Variants in ZFHX2 observed in about 807,000 individuals in gnomAD.
ZFHX2 encodes the protein zinc finger homeobox 2, also known as zinc finger homeobox protein 2.
ZFHX2 carries 75 observed loss-of-function variants against 164.8 expected under a neutral mutation model. The ratio of observed to expected loss-of-function variants is 0.46; its 90% CI spans 0.38 to 0.55. The LOEUF (loss-of-function observed/expected upper bound fraction) is 0.55, where lower values mean the gene tolerates loss of function less well. Among genes scored for constraint, ZFHX2 ranks in the 20% least tolerant of loss-of-function variants. The pLI is 0.00. For synonymous variants in ZFHX2, 1,217 were observed against 1,351.4 expected, an observed-to-expected ratio of 0.90 and a Z score of 2.18; for missense variants, 2,933 against 3,308.0, an observed-to-expected ratio of 0.89 and a Z score of 2.78.
chr14:23,531,248 T>G, intron 4 of ZFHX2: 1 of 466,080 alleles, frequency 2.1e-6, no homozygotes, highest in Admixed American at 4.4e-5. Flanking sequence ...TCCTGTTCTA[T>G]GTCATCCACC....
rs77254736 is a variant in ZFHX2 at position 23,530,631 on chromosome 14, C to T, written c.2801-437G>A. 2,621 of 352,526 alleles carry T rather than the reference C, an allele frequency of 7.4e-3. 20 individuals are homozygous for T. The highest frequency in any genetic ancestry group is 0.011 in the Non-Finnish European group (1,986 of 181,496). 21.8% of individuals were successfully genotyped at this position (352,526 alleles called of 1,614,324 possible). On this transcript the variant is annotated intron_variant, in intron 4 of 9. Coordinates refer to ENST00000419474, the MANE Select transcript of ZFHX2 (RefSeq NM_033400.3). ...CTAGCTGGAAGAGGAGATTACCGCTCAAGTAAGAATTGACAGATGTGTAGG... is the reference window on the plus strand; with the variant it reads ...CTAGCTGGAAGAGGAGATTACCGCTTAAGTAAGAATTGACAGATGTGTAGG...
At position 23,522,547 on chromosome 14, in the gene ZFHX2, C is replaced by A; in HGVS notation, c.7134G>T (p.Lys2378Asn). The change falls in exon 10 of 10, where the codon AAG (lysine) becomes AAT (asparagine). Residue 2378 changes from lysine to asparagine, a missense_variant. By Grantham distance (94) the Lys-to-Asn change is moderately conservative. Coordinates refer to ENST00000419474, the MANE Select transcript of ZFHX2 (RefSeq NM_033400.3). ...GAYFQQLYGM[K>N]KGLFPMNPMI... Reference sequence around the variant, plus strand: ...TGGGGTTCATGGGAAATAGCCCCTTCTTCATGCCATAGAGCTGTTGGAAGT... The same window carrying A: ...TGGGGTTCATGGGAAATAGCCCCTTATTCATGCCATAGAGCTGTTGGAAGT... 1 of 1,527,212 alleles carries A rather than the reference C, an allele frequency of 6.5e-7. No individual in the cohort carries two copies. Among genetic ancestry groups the A allele is most frequent in the Non-Finnish European group, 8.8e-7 (1 of 1,141,060 alleles). 94.6% of individuals were successfully genotyped at this position (1,527,212 alleles called of 1,614,324 possible).
At chr14:23,537,804 G>A (rs1261865276) in intron 1 of ZFHX2, among the ~76,000 whole-genome samples, 1 of 152,208 alleles carries the variant, frequency 6.6e-6, no homozygotes, top group Non-Finnish European at 1.5e-5. Flanking sequence ...GTGCTGGTTT[G>A]TGAGGGTCTG....
intron 1 of ZFHX2, among the ~76,000 whole-genome samples, chr14:23,538,505 T>A (rs1177444500): frequency 6.6e-6 from 1 of 152,116 alleles, no homozygotes; most frequent in Non-Finnish European, 1.5e-5. Context: ...TACCTTGAAC[T>A]GGAGACAGTG....
At position 23,530,207 on chromosome 14, in the gene ZFHX2, G is replaced by C. The variant is rs922644698; in HGVS notation, c.2801-13C>G. 5 of 1,522,046 alleles carry C rather than the reference G, an allele frequency of 3.3e-6. No homozygotes were observed. In the African/African-American group the frequency reaches 4.1e-5, roughly 13 times the overall value. 94.3% of individuals were successfully genotyped at this position (1,522,046 alleles called of 1,614,324 possible). A position where few individuals can be genotyped will look rare whatever the true frequency, so the allele number is the denominator to read the frequency against. On this transcript the variant is annotated splice_polypyrimidine_tract_variant and intron_variant, in intron 4 of 9. Coordinates refer to ENST00000419474, the MANE Select transcript of ZFHX2 (RefSeq NM_033400.3). The stretch of plus-strand genomic sequence containing the variant: ...ACAGGAGCCTTCCCTGTGTAGGATG[G>C]GGGGAGAGTCAGCTTAAAGAGGTGT...
intron 1 of ZFHX2, among the ~76,000 whole-genome samples, chr14:23,539,230 T>G (rs1197997022): frequency 6.6e-6 from 1 of 152,156 alleles, no homozygotes; most frequent in Non-Finnish European, 1.5e-5. Flanking sequence ...ATTGCCCTCT[T>G]CCTCTGTCCA....
rs1315491728 is a variant in ZFHX2, at chr14:23,534,529, G to A, written c.797C>T (p.Ala266Val). Residue 266 changes from alanine to valine, a missense_variant, in exon 2 of 10, where the codon GCC (alanine) becomes GTC (valine). Ala to Val is a moderately conservative substitution (Grantham distance 64, BLOSUM62 0). Transcript: ENST00000419474. This position sits in a 1 kb window ranked among gnomAD's most constrained non-coding sequence, Gnocchi z 4.5. ...GCTACCTGACAGGCCCTGATATTGG[G>A]CAGGGGTTAGCTTCACCCCATGAGA... ...TQSHGVKLTP[A>V]QYQGLSGSPA... 1.3e-6 allele frequency: 2 copies of A among 1,536,030 alleles called. No homozygotes were observed. Among genetic ancestry groups the A allele is most frequent in the African/African-American group, 1.4e-5 (1 of 73,034 alleles).
Position 23,525,448 on chromosome 14 carries a change from G to T in ZFHX2, c.4494C>A (p.His1498Gln). Reference sequence around the variant, plus strand: ...GAAAGCGGCGGTGGACATGTTCCTCGTGTGTCTTGAGGATAAGCATATTGG... The same window carrying T: ...GAAAGCGGCGGTGGACATGTTCCTCTTGTGTCTTGAGGATAAGCATATTGG... Reference protein sequence around the residue: ...LFSNMLILKTHEEHVHRRFLP... With the variant: ...LFSNMLILKTQEEHVHRRFLP... Residue 1498 changes from histidine to glutamine, a missense_variant, in exon 9 of 10, where the codon CAC (histidine) becomes CAA (glutamine). Physicochemically the swap from His to Gln is conservative, Grantham distance 24. Transcript: ENST00000419474. This position sits in a 1 kb window ranked among gnomAD's most constrained non-coding sequence, Gnocchi z 5.9. The T allele has an allele frequency of 6.5e-7, 1 of 1,536,102 alleles. No individual in the cohort carries two copies. The highest frequency in any genetic ancestry group is 8.7e-7 in the Non-Finnish European group (1 of 1,146,910).
Position 23,534,718 on chromosome 14 carries a change from C to G in ZFHX2, c.608G>C (p.Arg203Thr). The change falls in exon 2 of 10, where the codon AGG (arginine) becomes ACG (threonine). Residue 203 changes from arginine (R) to threonine (T), a missense_variant. Physicochemically the swap from Arg to Thr is moderately conservative, Grantham distance 71. Coordinates refer to ENST00000419474, the MANE Select transcript of ZFHX2 (RefSeq NM_033400.3). This position sits in a 1 kb window ranked among gnomAD's most constrained non-coding sequence, Gnocchi z 4.5. ...SAPSPAACEE[R>T]HGAFWSYQLA... ...CTGGTAGCTCCAGAAAGCTCCATGC[C>G]TTTCCTCACAGGCAGCCGGAGATGG... The G allele has an allele frequency of 6.5e-7, 1 of 1,536,172 alleles. No individual in the cohort carries two copies. Among genetic ancestry groups the G allele is most frequent in the East Asian group, 2.4e-5 (1 of 40,900 alleles).
At chr14:23,544,760 A>T (rs1215296551) in intron 1 of ZFHX2, among the ~76,000 whole-genome samples, 1 of 152,072 alleles carries the variant, frequency 6.6e-6, no homozygotes, top group African/African-American at 2.4e-5. Context: ...GCCATTAGAG[A>T]TGGAGATGAG....
intron 1 of ZFHX2, among the ~76,000 whole-genome samples, chr14:23,540,285 C>T (rs929882107): frequency 3.3e-5 from 5 of 152,240 alleles, no homozygotes; most frequent in Non-Finnish European, 7.3e-5. Flanking sequence ...GCCACCAAGC[C>T]CAACCTTCCT....
At chr14:23,526,732 C>T (rs1878757862) in intron 8 of ZFHX2, 53 bp from the exon 9 acceptor site, 1 of 1,534,554 alleles carries the variant, frequency 6.5e-7, no homozygotes, top group African/African-American at 1.4e-5. Context: ...TTAAGCCAGA[C>T]CCCACCCACT....
chr14:23,529,771 G>A lies in ZFHX2; in HGVS notation c.2876-3C>T, dbSNP rs1879287022. On this transcript the variant is annotated splice_region_variant and splice_polypyrimidine_tract_variant and intron_variant, in intron 5 of 9. Coordinates refer to ENST00000419474, the MANE Select transcript of ZFHX2 (RefSeq NM_033400.3). ...CTTGTTTTCTGTCTCTTCTGAAGCT[G>A]AGGATGAAAGAAGAGGAGATTAAGG... is the stretch of plus-strand genomic sequence containing the variant. 2 of 1,536,134 alleles carry A rather than the reference G, an allele frequency of 1.3e-6. No homozygotes were observed. The highest frequency in any genetic ancestry group is 8.7e-7 in the Non-Finnish European group (1 of 1,146,850).
intron 1 of ZFHX2, among the ~76,000 whole-genome samples, chr14:23,548,898 C>G (rs572007480): frequency 6.6e-6 from 1 of 152,214 alleles, no homozygotes; most frequent in African/African-American, 2.4e-5. Context: ...CTGTGTCCTC[C>G]TCACACCAGA....
Position 23,534,535 on chromosome 14 carries a change from G to T in ZFHX2, c.791C>A (p.Thr264Asn). ...DHTQSHGVKL[T>N]PAQYQGLSGS... ...TGACAGGCCCTGATATTGGGCAGGG[G>T]TTAGCTTCACCCCATGAGACTGTGT... Residue 264 changes from threonine to asparagine, a missense_variant, in exon 2 of 10, where the codon ACC becomes AAC. Transcript: ENST00000419474. The surrounding 1 kb of genome is among the most constrained non-coding windows in gnomAD (Gnocchi z 4.5). 1.3e-5 allele frequency: 20 copies of T among 1,536,128 alleles called. No individual in the cohort carries two copies. The highest frequency in any genetic ancestry group is 1.7e-5 in the Non-Finnish European group (20 of 1,146,894).
In ZFHX2 at chr14:23,523,109, T is replaced by C; in HGVS notation, c.6739+94A>G. ...TGATGCAAAGGAAGGCCACAGGAGA[T>C]TGGGCATGGGAAGAATCAGGAAGGA... On this transcript the variant is annotated intron_variant, in intron 9 of 9. Coordinates refer to ENST00000419474, the MANE Select transcript of ZFHX2 (RefSeq NM_033400.3). The surrounding 1 kb of genome is among the most constrained non-coding windows in gnomAD (Gnocchi z 4.1). 7.1e-7 allele frequency: 1 copy of C among 1,400,460 alleles called. No individual in the cohort carries two copies. Among genetic ancestry groups the C allele is most frequent in the Non-Finnish European group, 9.2e-7 (1 of 1,082,438 alleles). The allele number at this position is 1,400,460 out of a possible 1,614,324, so 86.8% of individuals were successfully genotyped here. A position where few individuals can be genotyped will look rare whatever the true frequency, so the allele number is the denominator to read the frequency against.
rs1879769363 is a variant in ZFHX2, at chr14:23,533,139, C to G, written c.2042-55G>C. Reference sequence around the variant, plus strand: ...AGAAAGAAATGGGGCACGGTTGGTTCTCTATGTGGGGAGGTGGGTTAATGA... The same window carrying G: ...AGAAAGAAATGGGGCACGGTTGGTTGTCTATGTGGGGAGGTGGGTTAATGA... On this transcript the variant is annotated intron_variant, in intron 2 of 9. Transcript: ENST00000419474. The surrounding 1 kb of genome is among the most constrained non-coding windows in gnomAD (Gnocchi z 4.8). 6.8e-7 allele frequency: 1 copy of G among 1,468,568 alleles called. No individual in the cohort carries two copies. The highest frequency in any genetic ancestry group is 9.0e-7 in the Non-Finnish European group (1 of 1,112,090). The allele number at this position is 1,468,568 out of a possible 1,614,324, so 91.0% of individuals were successfully genotyped here.
rs756114970 is a variant in ZFHX2 at position 23,533,874 on chromosome 14, G to A, written c.1452C>T (p.Ser484=). ...GGTGGGCGCCCCCAGCACTGCAGTAGCTGCAGTGACTGTTGCTCTCAGGGT... is the reference window on the plus strand; with the variant it reads ...GGTGGGCGCCCCCAGCACTGCAGTAACTGCAGTGACTGTTGCTCTCAGGGT... ...EKHPESNSHC[S]YCSAGGAHPR... Residue 484 remains serine, a synonymous_variant, in exon 2 of 10, where the codon AGC becomes AGT. Coordinates refer to ENST00000419474, the MANE Select transcript of ZFHX2 (RefSeq NM_033400.3). The surrounding 1 kb of genome is among the most constrained non-coding windows in gnomAD (Gnocchi z 4.8). 27 of 1,538,196 alleles carry A rather than the reference G, an allele frequency of 1.8e-5. No individual in the cohort carries two copies. The highest frequency in any genetic ancestry group is 2.3e-5 in the Non-Finnish European group (26 of 1,147,406).
At position 23,534,251 on chromosome 14, in the gene ZFHX2, G is replaced by C. The variant is rs1595164716; in HGVS notation, c.1075C>G (p.Gln359Glu). 1 of 1,527,252 alleles carries C rather than the reference G, an allele frequency of 6.5e-7. No homozygotes were observed. The highest frequency in any genetic ancestry group is 2.0e-5 in the Admixed American group (1 of 50,384). 94.6% of individuals were successfully genotyped at this position (1,527,252 alleles called of 1,614,324 possible). Residue 359 changes from glutamine (Q) to glutamate (E), a missense_variant, in exon 2 of 10, where the codon CAA (glutamine) becomes GAA (glutamate). Physicochemically the swap from Gln to Glu is conservative, Grantham distance 29 (BLOSUM62 2). Transcript: ENST00000419474. The surrounding 1 kb of genome is among the most constrained non-coding windows in gnomAD (Gnocchi z 4.5). ...PTATWDPSPT[Q>E]AKESPVAAGE... ...GCTGCTACTGGCGATTCTTTGGCTT[G>C]GGTTGGGCTGGGGTCCCAGGTGGCT...
Sources: gnomAD v4.1 joint callset for allele counts (sites outside exome capture counted in the v4.1 genomes callset) on GRCh38, gnomAD v4.1.1 for gene constraint, Gnocchi (gnomAD v3.1) non-coding constraint, MANE v1.5 for transcripts, NCBI Gene and HGNC (gene_info 2026-07-23, HGNC 2026-07-21) for gene names.